HCRTR1: variants seen among roughly 807,000 people sequenced by gnomAD.
HCRTR1 encodes the protein hypocretin receptor 1.
HCRTR1 carries 28 observed loss-of-function variants against 40.6 expected under a neutral mutation model. The ratio of observed to expected loss-of-function variants is 0.69; its 90% confidence interval spans 0.51 to 0.95. HCRTR1 has a LOEUF of 0.95. Among genes scored for constraint, HCRTR1 ranks in the 40% least tolerant of loss-of-function variants. The pLI is 0.00. For synonymous variants in HCRTR1, 209 were observed against 230.0 expected, an observed-to-expected ratio of 0.91 and a Z score of 0.83; for missense variants, 482 against 564.7, an observed-to-expected ratio of 0.85 and a Z score of 1.48.
At chr1:31,632,558 T>C (rs1640138048), downstream of HCRTR1, 2 of 1,614,108 alleles carry the variant, frequency 1.2e-6, no homozygotes, top group African/African-American at 2.7e-5. Flanking sequence ...TGGAAGAGGT[T>C]CTTCCACTGC....
chr1:31,634,337 G>A (rs1468992062), downstream of HCRTR1, among the ~76,000 whole-genome samples: 1 of 152,154 alleles, frequency 6.6e-6, no homozygotes, highest in Non-Finnish European at 1.5e-5. Context: ...TTCAAACCCT[G>A]GATCTGATCC....
In HCRTR1 at chr1:31,627,265, C is replaced by T. The variant is rs930717419; in HGVS notation, c.*285C>T. 5.6e-6 allele frequency: 8 copies of T among 1,426,088 alleles called. No homozygotes were observed. Among genetic ancestry groups the T allele is most frequent in the Non-Finnish European group, 7.4e-6 (8 of 1,076,736 alleles). The allele number at this position is 1,426,088 out of a possible 1,614,324, so 88.3% of individuals were successfully genotyped here. A position where few individuals can be genotyped will look rare whatever the true frequency, so the allele number is the denominator to read the frequency against. On this transcript the variant is annotated 3_prime_UTR_variant, in exon 9 of 9. Transcript: ENST00000403528. ...CATACCCCACAGTATAATCTGTCCC[C>T]ATCCTCCTTCCAGAGCTTGGTCATC...
chr1:31,633,232 C>T (rs998800886), downstream of HCRTR1: 1 of 1,613,984 alleles, frequency 6.2e-7, no homozygotes, highest in Non-Finnish European at 8.5e-7. Context: ...TTAGCTCCTT[C>T]ATGGAGATAT....
intron 4 of HCRTR1, 25 bp from the exon 5 acceptor site, chr1:31,620,818 C>G: frequency 6.2e-7 from 1 of 1,605,136 alleles, no homozygotes; most frequent in Non-Finnish European, 8.5e-7. Context: ...CCCAAAATGA[C>G]CGACGTTGTG....
Position 31,625,689 on chromosome 1 carries a change from T to C in HCRTR1, c.1087+571T>C, listed in dbSNP as rs1318449835. ...GCCACCCCCACTCCCACTCCAGGCC[T>C]CTCCTCTCTGCTGTCCCACAGTGCC... On this transcript the variant is annotated intron_variant, in intron 8 of 8. Coordinates refer to ENST00000403528, the MANE Select transcript of HCRTR1 (RefSeq NM_001525.3). The surrounding 1 kb of genome is among the most constrained non-coding windows in gnomAD (Gnocchi z 4.2). Among the ~76,000 whole-genome samples, 3 of 151,800 alleles carry C rather than the reference T, an allele frequency of 2.0e-5. No homozygotes were observed. Among genetic ancestry groups the C allele is most frequent in the Non-Finnish European group, 4.4e-5 (3 of 67,938 alleles).
Position 31,627,219 on chromosome 1 carries a change from G to A in HCRTR1, c.*239G>A. ...GTGAAGTGTTGTGGACATGATTATT[G>A]TTGTACTTCTCTCATTTGGCCATAC... On this transcript the variant is annotated 3_prime_UTR_variant, in exon 9 of 9. Transcript: ENST00000403528. 6.7e-7 allele frequency: 1 copy of A among 1,500,552 alleles called. No individual in the cohort carries two copies. The highest frequency in any genetic ancestry group is 8.9e-7 in the Non-Finnish European group (1 of 1,124,372). The allele number at this position is 1,500,552 out of a possible 1,614,324, so 93.0% of individuals were successfully genotyped here.
At chr1:31,632,110 C>A (rs778452122), downstream of HCRTR1, among the ~76,000 whole-genome samples, 15 of 152,260 alleles carry the variant, frequency 9.9e-5, no homozygotes, top group Non-Finnish European at 2.1e-4. Context: ...ACAGACCCAT[C>A]TTTCTGAGCC....
chr1:31,621,612 G>A lies in HCRTR1; in HGVS notation c.738+20G>A. ...CGCCAGGTGAGGCCCACTCTGGGCA[G>A]GGGCTAGGCCAGTCACTGTGTGGGC... is the stretch of plus-strand genomic sequence containing the variant. On this transcript the variant is annotated intron_variant, in intron 6 of 8. Transcript: ENST00000403528. The A allele has an allele frequency of 1.9e-6, 3 of 1,561,180 alleles. No homozygotes were observed. Among genetic ancestry groups the A allele is most frequent in the Non-Finnish European group, 2.6e-6 (3 of 1,135,528 alleles).
rs372708571 is a variant in HCRTR1 at position 31,625,146 on chromosome 1, T to A, written c.1087+28T>A. 7.9e-5 allele frequency: 125 copies of A among 1,575,692 alleles called. 2 individuals are homozygous for A. The East Asian group carries it at 2.9e-3, about 36-fold the overall frequency. On this transcript the variant is annotated intron_variant, in intron 8 of 8. Coordinates refer to ENST00000403528, the MANE Select transcript of HCRTR1 (RefSeq NM_001525.3). This position sits in a 1 kb window ranked among gnomAD's most constrained non-coding sequence, Gnocchi z 4.2. ...GAGCAGGCTGGGGATGCAAAATGAC[T>A]GAGGGTGGCCAACAGTCCACATGAC...
chr1:31,630,728 C>T, downstream of HCRTR1: 2 of 1,614,126 alleles, frequency 1.2e-6, no homozygotes, highest in Non-Finnish European at 1.7e-6. Context: ...CAGCTGGGTG[C>T]ACACCTGGAT....
chr1:31,624,916 C>G (rs1639941410), intron 7 of HCRTR1, 81 bp from the exon 8 acceptor site: 1 of 1,434,028 alleles, frequency 7.0e-7, no homozygotes, highest in Non-Finnish European at 9.4e-7. Context: ...CACTTTACAG[C>G]TCAGGTTCTG....
downstream of HCRTR1, chr1:31,633,057 T>C: frequency 7.3e-7 from 1 of 1,370,206 alleles, no homozygotes; most frequent in Non-Finnish European, 9.9e-7. Context: ...CCCTGGTCAA[T>C]GAATTTCTCT....
chr1:31,632,318 C>T (rs756232512), downstream of HCRTR1: 3 of 1,121,532 alleles, frequency 2.7e-6, no homozygotes, highest in South Asian at 2.6e-5. Flanking sequence ...TGGCTCTTGG[C>T]TCAGTGCCCC....
chr1:31,630,779 C>T (rs547542586), downstream of HCRTR1: 8 of 1,613,800 alleles, frequency 5.0e-6, 1 homozygote, highest in African/African-American at 4.0e-5. Flanking sequence ...AGAGCGTGGG[C>T]AGTAGCGGGA....
downstream of HCRTR1, chr1:31,633,051 G>T (rs975356022): frequency 1.5e-5 from 20 of 1,318,686 alleles, no homozygotes; most frequent in African/African-American, 2.5e-4. Context: ...AGTCCTCCCT[G>T]GTCAATGAAT....
At chr1:31,634,442 A>G (rs952099300), downstream of HCRTR1, among the ~76,000 whole-genome samples, 3 of 152,338 alleles carry the variant, frequency 2.0e-5, no homozygotes, top group Admixed American at 2.0e-4. Flanking sequence ...AATTGTTGTG[A>G]TGATTAAATG....
At chr1:31,624,079 T>G (rs1178241015) in intron 7 of HCRTR1, among the ~76,000 whole-genome samples, 1 of 152,166 alleles carries the variant, frequency 6.6e-6, no homozygotes, top group Non-Finnish European at 1.5e-5. Context: ...CAGTGATAAC[T>G]GCTGGGAAGA....
downstream of HCRTR1, chr1:31,632,736 G>T (rs1204225623): frequency 1.2e-5 from 17 of 1,414,804 alleles, no homozygotes; most frequent in Non-Finnish European, 1.6e-5. Context: ...CTCCAGGCTG[G>T]AGTAGGCGAC....
chr1:31,622,887 G>A (rs1351250106), intron 6 of HCRTR1, among the ~76,000 whole-genome samples: 1 of 152,188 alleles, frequency 6.6e-6, no homozygotes, highest in African/African-American at 2.4e-5. Flanking sequence ...GATTTAGGGA[G>A]GATGGATGGG....
Sources: gnomAD v4.1 joint callset for allele counts (sites outside exome capture counted in the v4.1 genomes callset) on GRCh38, gnomAD v4.1.1 for gene constraint, Gnocchi (gnomAD v3.1) non-coding constraint, MANE v1.5 for transcripts, NCBI Gene and HGNC (gene_info 2026-07-23, HGNC 2026-07-21) for gene names.